The following PGGT1B variants were observed in gnomAD, a reference collection of about 807,000 sequenced individuals.
The protein encoded by PGGT1B is geranylgeranyl transferase type-1 subunit beta.
In PGGT1B, 30 loss-of-function variants were observed where a neutral mutation model predicts 46.1. The ratio of observed to expected loss-of-function variants is 0.65; its 90% CI spans 0.49 to 0.88. The LOEUF is 0.88. Ranked by LOEUF, PGGT1B falls within the 40% of genes least tolerant of loss-of-function variation. The pLI is 0.00. For synonymous variants in PGGT1B, 170 were observed against 160.0 expected (o/e 1.06, Z -0.47); for missense variants, 376 against 455.9 (o/e 0.82, Z 1.60).
Position 115,208,751 on chromosome 5 carries a change from A to G in PGGT1B, c.*3651T>C, listed in dbSNP as rs766162604. 1.3e-5 allele frequency: 2 copies of G among 151,178 alleles called. No homozygotes were observed. The highest frequency in any genetic ancestry group is 3.0e-5 in the Non-Finnish European group (2 of 67,764). 9.4% of individuals were successfully genotyped at this position (151,178 alleles called of 1,614,324 possible). On this transcript the variant is annotated 3_prime_UTR_variant, in exon 9 of 9. Transcript: ENST00000419445. ...TTTATTAATTCCTTCCTTCTGCTTT[A>G]TTTTGCTTTTTACTCCAAGTGTTTG...
chr5:115,221,604 G>A (rs1430357852), intron 7 of PGGT1B, among the ~76,000 whole-genome samples: 1 of 151,792 alleles, frequency 6.6e-6, no homozygotes, highest in Non-Finnish European at 1.5e-5. Flanking sequence ...TCAAGTTCTG[G>A]GTTACTTGAG....
intron 1 of PGGT1B, among the ~76,000 whole-genome samples, chr5:115,259,458 G>T (rs917418062): frequency 6.6e-6 from 1 of 152,142 alleles, no homozygotes; most frequent in Non-Finnish European, 1.5e-5. Context: ...GGGAGGCCGA[G>T]GCGGGCGGAT....
At chr5:115,259,515 G>A (rs899458783) in intron 1 of PGGT1B, among the ~76,000 whole-genome samples, 2 of 151,752 alleles carry the variant, frequency 1.3e-5, no homozygotes, top group South Asian at 2.1e-4. Context: ...TGGTGAAACC[G>A]CATCTCTACT....
chr5:115,255,507 A>C (rs1253184768), intron 1 of PGGT1B, among the ~76,000 whole-genome samples: 2 of 152,208 alleles, frequency 1.3e-5, no homozygotes, highest in Non-Finnish European at 2.9e-5. Context: ...CATAAAGTAA[A>C]TGATTATATT....
chr5:115,215,753 T>A (rs983847290), intron 8 of PGGT1B, among the ~76,000 whole-genome samples: 10 of 152,208 alleles, frequency 6.6e-5, no homozygotes, highest in Admixed American at 2.0e-4. Flanking sequence ...GGAAGATGAG[T>A]TGATGAGGCA....
In PGGT1B at chr5:115,231,041, T is replaced by C; in HGVS notation, c.613-20A>G. The stretch of plus-strand genomic sequence containing the variant: ...ATAGGACTGAAAAAGAAAAACATTG[T>C]TCAGTTTAATAGGGAAATAATAATA... On this transcript the variant is annotated intron_variant, in intron 5 of 8. Transcript: ENST00000419445. 2 of 1,406,978 alleles carry C rather than the reference T, an allele frequency of 1.4e-6. No homozygotes were observed. Among genetic ancestry groups the C allele is most frequent in the South Asian group, 1.3e-5 (1 of 78,848 alleles). 87.2% of individuals were successfully genotyped at this position (1,406,978 alleles called of 1,614,324 possible).
At chr5:115,249,940 C>A (rs765516467) in intron 2 of PGGT1B, among the ~76,000 whole-genome samples, 3 of 151,992 alleles carry the variant, frequency 2.0e-5, no homozygotes, top group Middle Eastern at 3.2e-3. Context: ...GGTTAATCAT[C>A]TTTTTATGTA....
rs1175038836 is a variant in PGGT1B at position 115,207,097 on chromosome 5, TAA to T, written c.*5303_*5304del. 3 of 150,078 alleles carry T rather than the reference TAA, an allele frequency of 2.0e-5. No individual in the cohort carries two copies. The highest frequency in any genetic ancestry group is 4.9e-5 in the African/African-American group (2 of 40,984). 9.3% of individuals were successfully genotyped at this position (150,078 alleles called of 1,614,324 possible). The stretch of plus-strand genomic sequence containing the variant: ...TTAGATGTGTCTTAAATTTACACAT[TAA>T]GTTTTCTTTTTACTTTTGCTATCAC... On this transcript the variant is annotated 3_prime_UTR_variant, in exon 9 of 9. Transcript: ENST00000419445.
At chr5:115,222,899 A>G (rs1756630044) in intron 6 of PGGT1B, among the ~76,000 whole-genome samples, 1 of 152,180 alleles carries the variant, frequency 6.6e-6, no homozygotes, top group South Asian at 2.1e-4. Flanking sequence ...GTTCTCACTC[A>G]TAGGTGGGAA....
intron 1 of PGGT1B, among the ~76,000 whole-genome samples, chr5:115,259,427 C>A (rs189627837): frequency 3.3e-5 from 5 of 152,222 alleles, no homozygotes; most frequent in South Asian, 2.1e-4. Flanking sequence ...CGGTGGCTCA[C>A]GCCTGTAATC....
intron 6 of PGGT1B, among the ~76,000 whole-genome samples, chr5:115,229,090 T>A (rs1409097552): frequency 1.3e-5 from 2 of 152,150 alleles, no homozygotes; most frequent in African/African-American, 4.8e-5. Context: ...CTAGTATAGA[T>A]GGTGATGAGA....
intron 1 of PGGT1B, among the ~76,000 whole-genome samples, chr5:115,259,651 C>T (rs1280935467): frequency 1.4e-5 from 2 of 140,394 alleles, no homozygotes; most frequent in Non-Finnish European, 3.0e-5. Flanking sequence ...ATGGTGCCAC[C>T]GCACTCCAGC....
chr5:115,222,226 A>C (rs1014469110), intron 6 of PGGT1B, among the ~76,000 whole-genome samples: 8 of 152,148 alleles, frequency 5.3e-5, no homozygotes, highest in Admixed American at 5.2e-4. Context: ...TTACTTATGA[A>C]AAAAAGTAAG....
At chr5:115,240,580 T>C (rs1757318321) in intron 3 of PGGT1B, among the ~76,000 whole-genome samples, 1 of 152,224 alleles carries the variant, frequency 6.6e-6, no homozygotes, top group Non-Finnish European at 1.5e-5. Context: ...GGTAAATTCA[T>C]ATGACCTTGA....
At chr5:115,252,486 T>C (rs1748145396) in intron 2 of PGGT1B, among the ~76,000 whole-genome samples, 1 of 152,034 alleles carries the variant, frequency 6.6e-6, no homozygotes, top group Non-Finnish European at 1.5e-5. Context: ...GTTTGTTTGA[T>C]GTTTTTAAGG....
rs921484793 is a variant in PGGT1B at position 115,205,459 on chromosome 5, A to C, written c.*6943T>G. 1.9e-4 allele frequency: 29 copies of C among 151,992 alleles called. No individual in the cohort carries two copies. The highest frequency in any genetic ancestry group is 7.0e-4 in the African/African-American group (29 of 41,410). 9.4% of individuals were successfully genotyped at this position (151,992 alleles called of 1,614,324 possible). A position where few individuals can be genotyped will look rare whatever the true frequency, so the allele number is the denominator to read the frequency against. ...TTTGAACAAACATGGAAAAACATGG[A>C]AAGAAGAGGGTGGAGAATGATCACC... On this transcript the variant is annotated 3_prime_UTR_variant, in exon 9 of 9. Transcript: ENST00000419445.
At chr5:115,253,028 T>A in intron 2 of PGGT1B, 109 bp downstream of exon 2, 1 of 929,966 alleles carries the variant, frequency 1.1e-6, no homozygotes, top group South Asian at 1.6e-5. Flanking sequence ...AAATCACAGA[T>A]AAATAAAATA....
At chr5:115,220,233 G>A (rs903996438) in intron 7 of PGGT1B, among the ~76,000 whole-genome samples, 1 of 151,724 alleles carries the variant, frequency 6.6e-6, no homozygotes, top group Non-Finnish European at 1.5e-5. Flanking sequence ...GAAGGAAAAC[G>A]TGGTATTCAT....
At chr5:115,246,392 A>C (rs1194197027) in intron 2 of PGGT1B, among the ~76,000 whole-genome samples, 1 of 151,594 alleles carries the variant, frequency 6.6e-6, no homozygotes, top group African/African-American at 2.4e-5. Context: ...AAAAATATTT[A>C]TTAGGTACTC....
Sources: allele counts gnomAD v4.1 joint callset (sites outside exome capture counted in the v4.1 genomes callset), GRCh38; gene constraint gnomAD v4.1.1; transcripts MANE v1.5; gene names NCBI Gene and HGNC (gene_info 2026-07-23, HGNC 2026-07-21).